Variants in THEM4 observed in about 807,000 individuals in gnomAD.
THEM4 encodes acyl-coenzyme A thioesterase THEM4.
A neutral mutation model predicts 25.0 loss-of-function variants in THEM4; 22 were observed. That is an observed-to-expected ratio of 0.88 (90% CI 0.63 to 1.26). THEM4 has a LOEUF of 1.26. THEM4 is among the 50% of genes most tolerant of loss of function. The pLI is 0.00. For missense variants in THEM4, 286 were observed against 300.3 expected, an observed-to-expected ratio of 0.95 and a Z score of 0.35; for synonymous variants, 113 against 105.6, an observed-to-expected ratio of 1.07 and a Z score of -0.43.
At chr1:151,909,215 T>C (rs574269506) in intron 1 of THEM4, 145 bp downstream of exon 1, 4 of 602,422 alleles carry the variant, frequency 6.6e-6, no homozygotes, top group African/African-American at 5.9e-5. Flanking sequence ...TAGGCCCCTG[T>C]TGCTTATGCT....
chr1:151,884,111 A>AAAGG lies in THEM4; in HGVS notation c.557+4158_557+4161dup, dbSNP rs59778556. On this transcript the variant is annotated intron_variant, in intron 4 of 5. Transcript: ENST00000368814. ...TAAATAAATAAATAAATAAATAAAT[A>AAAGG]AAGGAAGGAAGGAAGAAGCTTCCAG... 5.3e-3 allele frequency among the ~76,000 whole-genome samples: 799 copies of AAAGG among 150,910 alleles called. 3 individuals are homozygous for AAAGG. The highest frequency in any genetic ancestry group is 0.018 in the African/African-American group (721 of 40,818).
In THEM4 at chr1:151,871,337, A is replaced by G. The variant is rs1653550400; in HGVS notation, c.*3551T>C. 6.6e-6 allele frequency among the ~76,000 whole-genome samples: 1 copy of G among 152,024 alleles called. No homozygotes were observed. Among genetic ancestry groups the G allele is most frequent in the East Asian group, 1.9e-4 (1 of 5,180 alleles). ...CAGACCCTGTCTTGAAAAAAAAAAA[A>G]AAAAAAGAAAAAGAAAAAAGAAAGG... On this transcript the variant is annotated 3_prime_UTR_variant, in exon 6 of 6. Coordinates refer to ENST00000368814, the MANE Select transcript of THEM4 (RefSeq NM_053055.5).
intron 4 of THEM4, among the ~76,000 whole-genome samples, chr1:151,887,109 A>G (rs1160602686): frequency 6.6e-6 from 1 of 152,236 alleles, no homozygotes; most frequent in Non-Finnish European, 1.5e-5. Context: ...ATACACAAAC[A>G]ATGACTAATC....
intron 2 of THEM4, chr1:151,890,094 C>G (rs896638701): frequency 1.1e-5 from 4 of 377,600 alleles, no homozygotes; most frequent in Non-Finnish European, 2.2e-5. Context: ...TTAGTAGAGA[C>G]GGGGTTTCTC....
At chr1:151,894,725 T>G in intron 2 of THEM4, 2 of 565,142 alleles carry the variant, frequency 3.5e-6, no homozygotes, top group East Asian at 3.0e-5. Context: ...GACGGAGAGG[T>G]GATGAGGTTG....
chr1:151,902,963 G>A (rs1358282805), intron 1 of THEM4, among the ~76,000 whole-genome samples: 10 of 152,070 alleles, frequency 6.6e-5, no homozygotes, highest in African/African-American at 1.7e-4. Context: ...ACTCCAGTCC[G>A]GGCAACAGAG....
At chr1:151,897,380 A>G (rs1285339239) in intron 1 of THEM4, among the ~76,000 whole-genome samples, 2 of 152,186 alleles carry the variant, frequency 1.3e-5, no homozygotes, top group African/African-American at 2.4e-5. Flanking sequence ...AACCTGTCTC[A>G]AAAACTCTAT....
rs568555636 is a variant in THEM4, at chr1:151,898,009, G to A, written c.100-2815C>T. Among the ~76,000 whole-genome samples, 29 of 152,270 alleles carry A rather than the reference G, an allele frequency of 1.9e-4. No individual in the cohort carries two copies. The South Asian group carries it at 6.0e-3, about 32-fold the overall frequency. ...GGATTCATCAGGAGGGTGGCCAAAG[G>A]AGCAGGGGGTAAAATTCCACAGGGA... is the stretch of plus-strand genomic sequence containing the variant. On this transcript the variant is annotated intron_variant, in intron 1 of 5. Coordinates refer to ENST00000368814, the MANE Select transcript of THEM4 (RefSeq NM_053055.5).
chr1:151,908,318 T>G (rs1654518549), intron 1 of THEM4, among the ~76,000 whole-genome samples: 1 of 152,230 alleles, frequency 6.6e-6, no homozygotes, highest in African/African-American at 2.4e-5. Context: ...CACAGCAAAC[T>G]TCGCTGCAGG....
rs927582182 is a variant in THEM4 at position 151,909,469 on chromosome 1, C to T, written c.-11G>A. The T allele has an allele frequency of 1.2e-5, 17 of 1,377,350 alleles. No individual in the cohort carries two copies. The African/African-American group carries it at 1.7e-4, about 14-fold the overall frequency. 85.3% of individuals were successfully genotyped at this position (1,377,350 alleles called of 1,614,324 possible). The stretch of plus-strand genomic sequence containing the variant: ...GCAGCTCCTCAGCATGGCTCCGGGC[C>T]GCGGGGCCGCGCTTGCTCTAGCCCT... On this transcript the variant is annotated 5_prime_UTR_variant, in exon 1 of 6. Transcript: ENST00000368814.
chr1:151,878,215 C>T (rs1653731092), intron 4 of THEM4, among the ~76,000 whole-genome samples: 1 of 152,172 alleles, frequency 6.6e-6, no homozygotes, highest in Non-Finnish European at 1.5e-5. Flanking sequence ...CTCATGTACC[C>T]CTTTTGTCAG....
Position 151,889,274 on chromosome 1 carries a change from T to A in THEM4, c.386A>T (p.Asp129Val). 2 of 1,614,010 alleles carry A rather than the reference T, an allele frequency of 1.2e-6. No individual in the cohort carries two copies. The highest frequency in any genetic ancestry group is 1.7e-6 in the Non-Finnish European group (2 of 1,179,946). ...LGFEYVMFYN[D>V]IEKRMVCLFQ... ...TAAGCAAACCATCCTTTTCTCAATG[T>A]CATTGTAGAACATCACGTATTCAAA... The change falls in exon 3 of 6, where the codon GAC becomes GTC. Residue 129 changes from aspartate to valine, a missense_variant. Asp to Val is a radical substitution (Grantham distance 152). Transcript: ENST00000368814.
At chr1:151,906,936 G>A (rs58945259) in intron 1 of THEM4, among the ~76,000 whole-genome samples, 2,923 of 152,214 alleles carry the variant, frequency 0.019, 102 homozygotes, top group African/African-American at 0.068. Flanking sequence ...GGCCAGATAA[G>A]AGAATAAAAG....
Position 151,877,121 on chromosome 1 carries a change from T to G in THEM4, c.562A>C (p.Ile188Leu), listed in dbSNP as rs770353180. ...ANLNINYKRP[I>L]PLCSVVMINS... ...ATCATAACAACAGAACAAAGAGGGA[T>G]AGGTCTGCAGAATAAAATGAAAAAG... The change falls in exon 5 of 6, where the codon ATC becomes CTC. Residue 188 changes from isoleucine (I) to leucine (L), a missense_variant. Transcript: ENST00000368814. The G allele has an allele frequency of 6.2e-7, 1 of 1,608,082 alleles. No homozygotes were observed.
chr1:151,876,645 T>C (rs1321573318), intron 5 of THEM4, among the ~76,000 whole-genome samples: 1 of 151,822 alleles, frequency 6.6e-6, no homozygotes. Flanking sequence ...GATGGGGTCT[T>C]GCCATGTTGC....
intron 1 of THEM4, among the ~76,000 whole-genome samples, chr1:151,901,112 T>C (rs1654342066): frequency 1.3e-5 from 2 of 152,246 alleles, no homozygotes. Flanking sequence ...ACTGGCTTGC[T>C]GTCAATAAAT....
chr1:151,892,426 G>T (rs1290456463), intron 2 of THEM4, among the ~76,000 whole-genome samples: 6 of 152,324 alleles, frequency 3.9e-5, no homozygotes, highest in African/African-American at 1.4e-4. Flanking sequence ...GTAGAGCTGT[G>T]AGGGTAGAAG....
chr1:151,881,024 C>G (rs1380162173), intron 4 of THEM4, among the ~76,000 whole-genome samples: 1 of 151,932 alleles, frequency 6.6e-6, no homozygotes, highest in African/African-American at 2.4e-5. Context: ...CTCATTTTCT[C>G]TTATTTTAAT....
rs1050276472 is a variant in THEM4, at chr1:151,887,325, C to A, written c.557+948G>T. On this transcript the variant is annotated intron_variant, in intron 4 of 5. Transcript: ENST00000368814. Reference sequence around the variant, plus strand: ...CATGCCTGTAATACCAGCTACTTGGCAGGCTGAGGCATGAGAATAGCTTGA... The same window carrying A: ...CATGCCTGTAATACCAGCTACTTGGAAGGCTGAGGCATGAGAATAGCTTGA... 8.6e-5 allele frequency among the ~76,000 whole-genome samples: 13 copies of A among 151,948 alleles called. No homozygotes were observed. The South Asian group carries it at 1.0e-3, about 12-fold the overall frequency.
Sources: allele counts gnomAD v4.1 joint callset (sites outside exome capture counted in the v4.1 genomes callset), GRCh38; gene constraint gnomAD v4.1.1; transcripts MANE v1.5; gene names NCBI Gene and HGNC (gene_info 2026-07-23, HGNC 2026-07-21).